The following HPSE2 variants were observed in gnomAD, a reference collection of about 807,000 sequenced individuals.
HPSE2 encodes inactive heparanase-2.
In HPSE2, 38 loss-of-function variants were observed where a neutral mutation model predicts 60.5. The ratio of observed to expected loss-of-function variants is 0.63; its 90% CI spans 0.48 to 0.82. The LOEUF is 0.82. Among genes scored for constraint, HPSE2 ranks in the 40% least tolerant of loss-of-function variants. The pLI is 0.00. For synonymous variants in HPSE2, 295 were observed against 293.2 expected, an observed-to-expected ratio of 1.01 and a Z score of -0.06; for missense variants, 713 against 740.4, an observed-to-expected ratio of 0.96 and a Z score of 0.43.
At chr10:99,196,496 CA>C (rs1327446181) in intron 2 of HPSE2, among the ~76,000 whole-genome samples, 1 of 151,844 alleles carries the variant, frequency 6.6e-6, no homozygotes, top group Non-Finnish European at 1.5e-5. Flanking sequence ...ATAAGGAGCC[CA>C]AACAAACTCT....
At chr10:98,788,726 CCTTT>C (rs1232366316) in intron 3 of HPSE2, among the ~76,000 whole-genome samples, 1 of 151,850 alleles carries the variant, frequency 6.6e-6, no homozygotes, top group Non-Finnish European at 1.5e-5. Flanking sequence ...GTCCGTCACC[CCTTT>C]CTTTGACTCG....
chr10:98,512,177 T>G (rs181820141), intron 9 of HPSE2, among the ~76,000 whole-genome samples: 2 of 152,368 alleles, frequency 1.3e-5, no homozygotes, highest in Admixed American at 1.3e-4. Flanking sequence ...CCAGAAAGTT[T>G]TCATGTGACT....
intron 7 of HPSE2, among the ~76,000 whole-genome samples, chr10:98,621,166 T>A (rs541426008): frequency 6.6e-6 from 1 of 152,266 alleles, no homozygotes; most frequent in South Asian, 2.1e-4. Context: ...GTAGAGAGAA[T>A]GCTCGTGGGA....
At chr10:98,847,307 T>A (rs1327489239) in intron 3 of HPSE2, among the ~76,000 whole-genome samples, 1 of 152,190 alleles carries the variant, frequency 6.6e-6, no homozygotes, top group East Asian at 1.9e-4. Context: ...ATTGAACACC[T>A]GTTATGCATC....
chr10:99,164,929 A>C (rs142658042), intron 2 of HPSE2, among the ~76,000 whole-genome samples: 1,528 of 151,944 alleles, frequency 0.01, 21 homozygotes, highest in Non-Finnish European at 0.015. Flanking sequence ...ACTAAAAATA[A>C]AAAATTAGCT....
chr10:98,471,489 C>T (rs917456193), intron 11 of HPSE2, among the ~76,000 whole-genome samples: 10 of 152,028 alleles, frequency 6.6e-5, no homozygotes, highest in South Asian at 2.1e-4. Flanking sequence ...GAATTTATTT[C>T]GAATAAAAAG....
At chr10:98,512,865 TGA>T (rs1200385832) in intron 9 of HPSE2, among the ~76,000 whole-genome samples, 2 of 114,548 alleles carry the variant, frequency 1.7e-5, no homozygotes, top group African/African-American at 2.7e-5. Context: ...TTAACTCAAC[TGA>T]GATATTAGCT....
intron 3 of HPSE2, among the ~76,000 whole-genome samples, chr10:99,083,497 T>G (rs1262736116): frequency 2.0e-5 from 3 of 152,230 alleles, no homozygotes. Flanking sequence ...CTAGGAGGTC[T>G]CTTTTAAATC....
chr10:99,218,758 T>C (rs1026676552), intron 2 of HPSE2, among the ~76,000 whole-genome samples: 2 of 152,218 alleles, frequency 1.3e-5, no homozygotes, highest in Non-Finnish European at 2.9e-5. Flanking sequence ...ATTTTTCTAA[T>C]AGTTTTAGGT....
At chr10:98,855,540 G>A (rs567205642) in intron 3 of HPSE2, among the ~76,000 whole-genome samples, 1 of 152,050 alleles carries the variant, frequency 6.6e-6, no homozygotes, top group Non-Finnish European at 1.5e-5. Flanking sequence ...GACTCTCAGG[G>A]CACAGTTGAA....
chr10:98,463,023 T>C (rs1308624503), intron 11 of HPSE2, among the ~76,000 whole-genome samples: 1 of 152,122 alleles, frequency 6.6e-6, no homozygotes, highest in South Asian at 2.1e-4. Context: ...CCCAGAAAGC[T>C]TGGAGTCTTC....
intron 3 of HPSE2, among the ~76,000 whole-genome samples, chr10:98,821,023 A>AT (rs1951412346): frequency 6.6e-6 from 1 of 152,204 alleles, no homozygotes; most frequent in Non-Finnish European, 1.5e-5. Context: ...GAGACACATC[A>AT]TGACTGTTCA....
chr10:98,511,308 G>A (rs1185263016), intron 9 of HPSE2, among the ~76,000 whole-genome samples: 5 of 151,772 alleles, frequency 3.3e-5, no homozygotes, highest in African/African-American at 4.8e-5. Flanking sequence ...ATGCCACCAC[G>A]TCTGGCTAAT....
intron 3 of HPSE2, among the ~76,000 whole-genome samples, chr10:99,004,911 A>AT (rs1956857349): frequency 6.6e-6 from 1 of 152,158 alleles, no homozygotes. Flanking sequence ...GCTTTGCTGA[A>AT]TACAGTACTC....
rs1589597803 is a variant in HPSE2 at position 99,063,548 on chromosome 10, A to G, written c.610+80690T>C. On this transcript the variant is annotated intron_variant, in intron 3 of 11. Transcript: ENST00000370552. ...AGAGTGTAAACCATTTAGGTGGGCA[A>G]TTTCCCTGTACTGTTTAAAATGTGA... Among the ~76,000 whole-genome samples the G allele has an allele frequency of 2.6e-5, 4 of 152,292 alleles. No individual in the cohort carries two copies. In the East Asian group the frequency reaches 7.7e-4, roughly 29 times the overall value.
intron 3 of HPSE2, among the ~76,000 whole-genome samples, chr10:99,011,051 T>A (rs1453677329): frequency 6.6e-6 from 1 of 151,988 alleles, no homozygotes; most frequent in Non-Finnish European, 1.5e-5. Context: ...GTTGTGTTCC[T>A]CTCTATGTGT....
chr10:99,258,014 G>T, the HPSE2 span, among the ~76,000 whole-genome samples: 1 of 152,014 alleles, frequency 6.6e-6, no homozygotes, highest in African/African-American at 2.4e-5. Context: ...GGTGGCGTGT[G>T]ACTGTAGTCC....
chr10:98,917,068 T>C (rs928891980), intron 3 of HPSE2, among the ~76,000 whole-genome samples: 12 of 152,170 alleles, frequency 7.9e-5, no homozygotes, highest in African/African-American at 2.7e-4. Flanking sequence ...AGGGTTGTGC[T>C]GGGTTTTTCG....
chr10:99,201,284 T>C (rs1011842096), intron 2 of HPSE2, among the ~76,000 whole-genome samples: 10 of 152,074 alleles, frequency 6.6e-5, no homozygotes, highest in African/African-American at 2.4e-4. Context: ...AACTATCCCT[T>C]TCTTTTCCAC....
Sources: gnomAD v4.1 joint callset for allele counts (sites outside exome capture counted in the v4.1 genomes callset) on GRCh38, gnomAD v4.1.1 for gene constraint, MANE v1.5 for transcripts, NCBI Gene and HGNC (gene_info 2026-07-23, HGNC 2026-07-21) for gene names.